Variants in DAPL1 observed in about 807,000 individuals in gnomAD.
DAPL1 encodes death associated protein like 1.
DAPL1 carries 17 observed loss-of-function variants against 12.9 expected under a neutral mutation model. That is an observed-to-expected ratio of 1.32 (90% CI 0.90 to 1.98). The LOEUF is 1.98. DAPL1 is among the 30% of genes most tolerant of loss of function. DAPL1 has a pLI of 0.00. For missense variants in DAPL1, 157 were observed against 125.7 expected, an observed-to-expected ratio of 1.25 and a Z score of -1.19; for synonymous variants, 51 against 42.0, an observed-to-expected ratio of 1.21 and a Z score of -0.82.
chr2:158,808,127 T>C (rs560001286), intron 3 of DAPL1, among the ~76,000 whole-genome samples: 3 of 152,370 alleles, frequency 2.0e-5, no homozygotes, highest in African/African-American at 7.2e-5. Context: ...AGAGCCACTC[T>C]TTCTGCTACT....
chr2:158,803,390 A>T (rs1244845178), intron 1 of DAPL1, among the ~76,000 whole-genome samples: 1 of 152,250 alleles, frequency 6.6e-6, no homozygotes, highest in Non-Finnish European at 1.5e-5. Context: ...TTTTCACTTT[A>T]TTGGACCACA....
chr2:158,813,433 C>T (rs2059242467), intron 3 of DAPL1, among the ~76,000 whole-genome samples: 1 of 152,064 alleles, frequency 6.6e-6, no homozygotes, highest in Non-Finnish European at 1.5e-5. Context: ...TTTTTATATG[C>T]CCAAACGATG....
At chr2:158,809,462 A>C (rs1231250146) in intron 3 of DAPL1, among the ~76,000 whole-genome samples, 1 of 151,972 alleles carries the variant, frequency 6.6e-6, no homozygotes, top group Non-Finnish European at 1.5e-5. Flanking sequence ...CTAAGATTGC[A>C]CGGGTTACTG....
At chr2:158,812,085 G>C (rs1276382662) in intron 3 of DAPL1, among the ~76,000 whole-genome samples, 1 of 152,210 alleles carries the variant, frequency 6.6e-6, no homozygotes, top group Non-Finnish European at 1.5e-5. Flanking sequence ...CAGGTAGGGA[G>C]ATGAGAAGGA....
intron 1 of DAPL1, among the ~76,000 whole-genome samples, chr2:158,800,880 C>T (rs1484562430): frequency 2.6e-5 from 4 of 152,148 alleles, no homozygotes; most frequent in South Asian, 2.1e-4. Flanking sequence ...CACTCTGTCA[C>T]CCAGGCTGGA....
intron 1 of DAPL1, among the ~76,000 whole-genome samples, chr2:158,802,044 C>T (rs1485572616): frequency 1.3e-5 from 2 of 152,140 alleles, no homozygotes; most frequent in African/African-American, 4.8e-5. Context: ...AGAATTAAAA[C>T]AGTGATATAC....
At chr2:158,802,073 T>TTA (rs1337019626) in intron 1 of DAPL1, among the ~76,000 whole-genome samples, 3 of 152,228 alleles carry the variant, frequency 2.0e-5, no homozygotes, top group Non-Finnish European at 2.9e-5. Context: ...ATTTTGTAAC[T>TTA]TACTGGCTGA....
intron 2 of DAPL1, among the ~76,000 whole-genome samples, chr2:158,806,358 CA>C (rs2059200996): frequency 8.2e-6 from 1 of 122,368 alleles, no homozygotes; most frequent in Non-Finnish European, 2.0e-5. Flanking sequence ...CAAAAGAGTA[CA>C]AGCTGTAGAC....
intron 3 of DAPL1, among the ~76,000 whole-genome samples, chr2:158,813,014 G>T (rs897247447): frequency 7.4e-6 from 1 of 134,762 alleles, no homozygotes; most frequent in South Asian, 2.6e-4. Context: ...TAGAAAAAAC[G>T]TGGTATATAT....
intron 3 of DAPL1, among the ~76,000 whole-genome samples, chr2:158,808,904 G>T (rs901628264): frequency 6.6e-6 from 1 of 152,118 alleles, no homozygotes; most frequent in South Asian, 2.1e-4. Flanking sequence ...CAGAGTTTAC[G>T]TTCTGTTCTT....
chr2:158,814,141 C>T (rs763861553), intron 3 of DAPL1, among the ~76,000 whole-genome samples: 118 of 152,342 alleles, frequency 7.7e-4, no homozygotes, highest in Non-Finnish European at 1.6e-3. Context: ...ACTAAAGACA[C>T]ACAGTCTGGA....
rs540655147 is a variant in DAPL1, at chr2:158,804,234, C to T, written c.59-48C>T. ...GTCATACCTTTAATAACAAAGCAAG[C>T]CTTCTCTCACTGTTCTAACTTCCAT... is the stretch of plus-strand genomic sequence containing the variant. On this transcript the variant is annotated intron_variant, in intron 1 of 3. Coordinates refer to ENST00000309950, the MANE Select transcript of DAPL1 (RefSeq NM_001017920.3). 1.0e-5 allele frequency: 13 copies of T among 1,288,826 alleles called. No homozygotes were observed. In the Admixed American group the frequency reaches 1.1e-4, roughly 11 times the overall value. The allele number at this position is 1,288,826 out of a possible 1,614,324, so 79.8% of individuals were successfully genotyped here.
At chr2:158,809,720 G>A (rs1470592946) in intron 3 of DAPL1, among the ~76,000 whole-genome samples, 1 of 152,136 alleles carries the variant, frequency 6.6e-6, no homozygotes, top group Non-Finnish European at 1.5e-5. Flanking sequence ...TCTGTTCCCA[G>A]GCCTGCATCC....
intron 1 of DAPL1, among the ~76,000 whole-genome samples, chr2:158,799,626 C>A (rs1257084805): frequency 6.6e-6 from 1 of 152,060 alleles, no homozygotes; most frequent in East Asian, 1.9e-4. Flanking sequence ...ATCAGTGCAT[C>A]CATCTGTAGT....
At chr2:158,799,194 AT>A (rs2059152051) in intron 1 of DAPL1, among the ~76,000 whole-genome samples, 2 of 152,120 alleles carry the variant, frequency 1.3e-5, no homozygotes, top group Non-Finnish European at 2.9e-5. Flanking sequence ...CCTTTTTTAC[AT>A]TGTCTATCTC....
chr2:158,803,909 G>A (rs572694071), intron 1 of DAPL1, among the ~76,000 whole-genome samples: 123 of 152,176 alleles, frequency 8.1e-4, no homozygotes, highest in Non-Finnish European at 1.4e-3. Context: ...GGAAAACAGA[G>A]GGTCACGTTG....
At chr2:158,809,192 T>C (rs1216028978) in intron 3 of DAPL1, among the ~76,000 whole-genome samples, 5 of 151,726 alleles carry the variant, frequency 3.3e-5, no homozygotes, top group Non-Finnish European at 7.4e-5. Flanking sequence ...ACTCCATCTC[T>C]ACTGAAAATA....
chr2:158,808,723 C>T (rs1195744065), intron 3 of DAPL1, among the ~76,000 whole-genome samples: 17 of 152,174 alleles, frequency 1.1e-4, no homozygotes, highest in African/African-American at 3.6e-4. Context: ...ATCTTATATT[C>T]TCTTGCTCCC....
intron 1 of DAPL1, among the ~76,000 whole-genome samples, chr2:158,800,088 A>C (rs2105148596): frequency 6.7e-6 from 1 of 149,430 alleles, no homozygotes; most frequent in Non-Finnish European, 1.5e-5. Flanking sequence ...AAAATTTGGC[A>C]TTTATTTCTT....
Sources: allele counts gnomAD v4.1 joint callset (sites outside exome capture counted in the v4.1 genomes callset), GRCh38; gene constraint gnomAD v4.1.1; transcripts MANE v1.5; gene names NCBI Gene and HGNC (gene_info 2026-07-23, HGNC 2026-07-21).